SUCLG2: variants seen among roughly 807,000 people sequenced by gnomAD.
The protein encoded by SUCLG2 is succinate--CoA ligase [GDP-forming] subunit beta, mitochondrial.
A neutral mutation model predicts 47.9 loss-of-function variants in SUCLG2; 42 were observed. That is an observed-to-expected ratio of 0.88 (90% CI 0.69 to 1.14). The LOEUF is 1.14. Among genes scored for constraint, SUCLG2 ranks in the 50% most tolerant of loss-of-function variants. The pLI is 0.00. For missense variants in SUCLG2, 571 were observed against 525.9 expected, an observed-to-expected ratio of 1.09 and a Z score of -0.84; for synonymous variants, 195 against 197.3, an observed-to-expected ratio of 0.99 and a Z score of 0.10.
chr3:67,380,661 A>G (rs1702137979), intron 10 of SUCLG2, among the ~76,000 whole-genome samples: 1 of 151,184 alleles, frequency 6.6e-6, no homozygotes, highest in South Asian at 2.1e-4. Context: ...CCAGGTAGAA[A>G]CTTGTTACAG....
intron 9 of SUCLG2, among the ~76,000 whole-genome samples, chr3:67,448,019 G>A (rs145920763): frequency 2.4e-4 from 37 of 152,192 alleles, no homozygotes; most frequent in African/African-American, 6.3e-4. Context: ...ATGACCCACC[G>A]CACCCGGCTG....
intron 10 of SUCLG2, among the ~76,000 whole-genome samples, chr3:67,380,662 C>G (rs1575657848): frequency 2.7e-5 from 4 of 149,842 alleles, no homozygotes; most frequent in African/African-American, 9.9e-5. Flanking sequence ...CAGGTAGAAA[C>G]TTGTTACAGA....
chr3:67,502,395 A>T (rs569833009), intron 7 of SUCLG2, among the ~76,000 whole-genome samples: 1 of 152,214 alleles, frequency 6.6e-6, no homozygotes, highest in Non-Finnish European at 1.5e-5. Context: ...ATAGACTGGC[A>T]TCAAAAATAT....
In SUCLG2 at chr3:67,565,619, G is replaced by A. The variant is rs191867630; in HGVS notation, c.227-36433C>T. Reference sequence around the variant, plus strand: ...ATTTCTGACTCTCTAGCTAAAGTTTGTAAACTCTCTGGTTGCCACAATAAT... The same window carrying A: ...ATTTCTGACTCTCTAGCTAAAGTTTATAAACTCTCTGGTTGCCACAATAAT... On this transcript the variant is annotated intron_variant, in intron 2 of 10. Coordinates refer to ENST00000307227, the MANE Select transcript of SUCLG2 (RefSeq NM_003848.4). Among the ~76,000 whole-genome samples the A allele has an allele frequency of 9.5e-4, 144 of 152,270 alleles. 4 individuals are homozygous for A. Among genetic ancestry groups the A allele is most frequent in the Admixed American group, 9.3e-3 (142 of 15,298 alleles).
At chr3:67,404,044 C>G (rs1702749211) in intron 9 of SUCLG2, among the ~76,000 whole-genome samples, 1 of 152,150 alleles carries the variant, frequency 6.6e-6, no homozygotes, top group African/African-American at 2.4e-5. Flanking sequence ...TGCCACCACA[C>G]CTGACTAGTT....
At chr3:67,633,305 A>G (rs2107355624) in intron 1 of SUCLG2, among the ~76,000 whole-genome samples, 1 of 152,344 alleles carries the variant, frequency 6.6e-6, no homozygotes, top group East Asian at 1.9e-4. Context: ...TATCCATTAA[A>G]TATTTATTAT....
At chr3:67,501,639 A>C (rs1259005700) in intron 7 of SUCLG2, among the ~76,000 whole-genome samples, 1 of 152,052 alleles carries the variant, frequency 6.6e-6, no homozygotes, top group Non-Finnish European at 1.5e-5. Flanking sequence ...AGAAAGACCA[A>C]ACTATGATTA....
intron 9 of SUCLG2, among the ~76,000 whole-genome samples, chr3:67,441,309 G>A (rs1703758306): frequency 6.6e-6 from 1 of 151,746 alleles, no homozygotes; most frequent in African/African-American, 2.4e-5. Flanking sequence ...AAACCACCAT[G>A]GCATGTGTAT....
At chr3:67,567,160 G>A (rs1235238303) in intron 2 of SUCLG2, among the ~76,000 whole-genome samples, 1 of 151,964 alleles carries the variant, frequency 6.6e-6, no homozygotes, top group African/African-American at 2.4e-5. Context: ...CTCAACCTGG[G>A]TGACAGAGTA....
intron 10 of SUCLG2, among the ~76,000 whole-genome samples, chr3:67,382,748 C>T (rs971252010): frequency 1.7e-4 from 26 of 152,158 alleles, no homozygotes; most frequent in African/African-American, 6.0e-4. Flanking sequence ...AGGAGTCAGT[C>T]GCTGTGGCAC....
At chr3:67,470,832 G>C (rs1425445856) in intron 9 of SUCLG2, among the ~76,000 whole-genome samples, 1 of 152,190 alleles carries the variant, frequency 6.6e-6, no homozygotes. Flanking sequence ...AGAGTTCTCA[G>C]TTGCCACCAC....
At chr3:67,509,890 G>A (rs1705738652) in intron 6 of SUCLG2, among the ~76,000 whole-genome samples, 3 of 152,172 alleles carry the variant, frequency 2.0e-5, no homozygotes, top group Non-Finnish European at 4.4e-5. Flanking sequence ...CTTACAGGCT[G>A]AGTTTTCTAG....
chr3:67,455,693 A>G (rs961640019), intron 9 of SUCLG2, among the ~76,000 whole-genome samples: 18 of 152,318 alleles, frequency 1.2e-4, no homozygotes, highest in African/African-American at 4.1e-4. Flanking sequence ...GAGGAAAAAA[A>G]AAACACTGAT....
intron 1 of SUCLG2, among the ~76,000 whole-genome samples, chr3:67,620,547 T>G (rs1700716338): frequency 8.1e-6 from 1 of 123,878 alleles, no homozygotes; most frequent in Non-Finnish European, 1.6e-5. Flanking sequence ...AATGCACCAT[T>G]GGACTCCAGC....
At chr3:67,503,042 T>C (rs957732963) in intron 7 of SUCLG2, among the ~76,000 whole-genome samples, 1 of 152,190 alleles carries the variant, frequency 6.6e-6, no homozygotes, top group African/African-American at 2.4e-5. Context: ...GCCCTATTTT[T>C]ATGAATAACA....
At position 67,364,253 on chromosome 3, in the gene SUCLG2, T is replaced by A. The variant is rs1166170292; in HGVS notation, c.1184-3485A>T. ...GGTATTAGAAAGGCTGAGTAGAGAG[T>A]TGGTTTGTTGATCTCTTCTAGACAG... On this transcript the variant is annotated intron_variant, in intron 10 of 10. Transcript: ENST00000493112. 3.6e-4 allele frequency among the ~76,000 whole-genome samples: 55 copies of A among 151,966 alleles called. 1 individual carries two copies. The highest frequency in any genetic ancestry group is 3.6e-3 in the Admixed American group (55 of 15,260).
At chr3:67,635,209 G>T (rs1365965119) in intron 1 of SUCLG2, among the ~76,000 whole-genome samples, 1 of 152,192 alleles carries the variant, frequency 6.6e-6, no homozygotes, top group Non-Finnish European at 1.5e-5. Flanking sequence ...TGCAAAAGAG[G>T]TAGGAACTGT....
chr3:67,625,254 G>C (rs938498753), intron 1 of SUCLG2, among the ~76,000 whole-genome samples: 1 of 152,150 alleles, frequency 6.6e-6, no homozygotes, highest in Non-Finnish European at 1.5e-5. Flanking sequence ...TCGAAGGCTC[G>C]GTGGGTCATC....
chr3:67,589,429 C>G (rs921645546), intron 2 of SUCLG2, among the ~76,000 whole-genome samples: 1 of 152,208 alleles, frequency 6.6e-6, no homozygotes, highest in African/African-American at 2.4e-5. Context: ...GAACAAACTG[C>G]TTTTCATTAA....
Sources: allele counts gnomAD v4.1 joint callset (sites outside exome capture counted in the v4.1 genomes callset), GRCh38; gene constraint gnomAD v4.1.1; transcripts MANE v1.5; gene names NCBI Gene and HGNC (gene_info 2026-07-23, HGNC 2026-07-21).